ZNRF1: variants seen among roughly 807,000 people sequenced by gnomAD.
ZNRF1 encodes the protein E3 ubiquitin-protein ligase ZNRF1.
In ZNRF1, 3 loss-of-function variants were observed where a neutral mutation model predicts 18.4. That is an observed-to-expected ratio of 0.16 (90% CI 0.07 to 0.42). The LOEUF is 0.42. ZNRF1 is among the 10% of genes least tolerant of loss of function. The pLI is 0.99. For missense variants in ZNRF1, 310 were observed against 329.8 expected (o/e 0.94, Z 0.47); for synonymous variants, 157 against 144.2 (o/e 1.09, Z -0.64).
At chr16:75,011,193 T>G (rs1026228415) in intron 1 of ZNRF1, among the ~76,000 whole-genome samples, 1 of 152,198 alleles carries the variant, frequency 6.6e-6, no homozygotes, top group Admixed American at 6.5e-5. Context: ...TTAAGATTCT[T>G]TTATCCTGCT....
intron 1 of ZNRF1, among the ~76,000 whole-genome samples, chr16:75,084,195 C>A (rs1193396189): frequency 6.6e-6 from 1 of 152,188 alleles, no homozygotes; most frequent in Non-Finnish European, 1.5e-5. Context: ...AAGCAAATCA[C>A]AAACCCACCC....
intron 1 of ZNRF1, among the ~76,000 whole-genome samples, chr16:75,019,033 G>C (rs895566845): frequency 7.2e-5 from 11 of 152,088 alleles, no homozygotes; most frequent in Non-Finnish European, 2.9e-5. Context: ...GGGCGTGGTG[G>C]CGCGTGACTG....
intron 1 of ZNRF1, among the ~76,000 whole-genome samples, chr16:75,062,742 G>A (rs750401653): frequency 4.6e-5 from 7 of 152,218 alleles, no homozygotes; most frequent in Non-Finnish European, 8.8e-5. Context: ...AGAGGCGTCC[G>A]GAGGGCCTGG....
At chr16:75,066,524 A>T (rs558463652) in intron 1 of ZNRF1, among the ~76,000 whole-genome samples, 11 of 152,306 alleles carry the variant, frequency 7.2e-5, no homozygotes, top group African/African-American at 2.4e-4. Flanking sequence ...GATTTTTTTG[A>T]GACAGTTTTG....
At chr16:75,094,403 C>T (rs2036175729) in intron 2 of ZNRF1, among the ~76,000 whole-genome samples, 1 of 152,210 alleles carries the variant, frequency 6.6e-6, no homozygotes, top group Non-Finnish European at 1.5e-5. Context: ...AACAAAATGA[C>T]TGTCAACATC....
intron 1 of ZNRF1, among the ~76,000 whole-genome samples, chr16:75,029,502 C>A (rs1183971691): frequency 6.6e-6 from 1 of 152,200 alleles, no homozygotes; most frequent in East Asian, 1.9e-4. Context: ...CTCAGTGGCT[C>A]ACACTTATAA....
intron 1 of ZNRF1, among the ~76,000 whole-genome samples, chr16:75,055,287 T>C (rs1037307914): frequency 1.3e-5 from 2 of 152,236 alleles, no homozygotes; most frequent in African/African-American, 4.8e-5. Context: ...TATTTATTTA[T>C]TTTTGAGGCG....
rs779836145 is a variant in ZNRF1, at chr16:75,107,799, C to T, written c.*99C>T. ...CTGGGGCAGAGCTGAGCTTGGGACA[C>T]CAGCGGGAACAGGGCACCCCTTCTG... On this transcript the variant is annotated 3_prime_UTR_variant, in exon 5 of 5. Transcript: ENST00000335325. 2.2e-6 allele frequency: 1 copy of T among 456,466 alleles called. No homozygotes were observed. Among genetic ancestry groups the T allele is most frequent in the South Asian group, 1.5e-5 (1 of 64,556 alleles). 28.3% of individuals were successfully genotyped at this position (456,466 alleles called of 1,614,324 possible). A position where few individuals can be genotyped will look rare whatever the true frequency, so the allele number is the denominator to read the frequency against.
At chr16:75,099,949 A>G (rs980396876) in intron 2 of ZNRF1, among the ~76,000 whole-genome samples, 3 of 152,100 alleles carry the variant, frequency 2.0e-5, no homozygotes, top group African/African-American at 7.2e-5. Context: ...TGGGGACAGG[A>G]AGTTGTACTC....
At chr16:75,094,852 CA>C in intron 2 of ZNRF1, among the ~76,000 whole-genome samples, 2 of 152,298 alleles carry the variant, frequency 1.3e-5, no homozygotes, top group South Asian at 4.1e-4. Context: ...GAGTGCACTC[CA>C]ACCCTGGTAC....
chr16:75,032,693 C>A (rs1400446850), intron 1 of ZNRF1, among the ~76,000 whole-genome samples: 3 of 152,038 alleles, frequency 2.0e-5, no homozygotes, highest in Non-Finnish European at 4.4e-5. Context: ...AAATGTCTTA[C>A]AACTCAACAA....
chr16:75,107,062 T>C (rs2036325260), intron 4 of ZNRF1: 1 of 168,952 alleles, frequency 5.9e-6, no homozygotes, highest in Non-Finnish European at 1.3e-5. Context: ...TCAGCGATCA[T>C]TTGACCACTG....
rs1484303784 is a variant in ZNRF1, at chr16:75,018,718, A to G, written c.424+18623A>G. Among the ~76,000 whole-genome samples the G allele has an allele frequency of 2.6e-5, 4 of 152,190 alleles. No individual in the cohort carries two copies. The East Asian group carries it at 7.7e-4, about 29-fold the overall frequency. ...TTAATAGATTTTCTAATGTTAAATT[A>G]TCCTTATATTCTTGAAATTAATCCT... On this transcript the variant is annotated intron_variant, in intron 1 of 4. Coordinates refer to ENST00000335325, the MANE Select transcript of ZNRF1 (RefSeq NM_032268.5).
At chr16:75,097,940 G>C (rs1597909221) in intron 2 of ZNRF1, among the ~76,000 whole-genome samples, 1 of 152,240 alleles carries the variant, frequency 6.6e-6, no homozygotes, top group Non-Finnish European at 1.5e-5. Flanking sequence ...TCCTCTCAGA[G>C]ACCCTGTGGT....
chr16:75,063,000 G>A (rs1015999825), intron 1 of ZNRF1, among the ~76,000 whole-genome samples: 1 of 152,180 alleles, frequency 6.6e-6, no homozygotes, highest in African/African-American at 2.4e-5. Context: ...TCCCCTTGAG[G>A]GGACCTGTGG....
intron 1 of ZNRF1, among the ~76,000 whole-genome samples, chr16:75,015,186 A>G (rs918742077): frequency 6.6e-6 from 1 of 152,156 alleles, no homozygotes; most frequent in African/African-American, 2.4e-5. Context: ...TGGCTTATGC[A>G]TTTTATGTGT....
At chr16:75,067,166 G>A (rs2035815879) in intron 1 of ZNRF1, among the ~76,000 whole-genome samples, 1 of 152,138 alleles carries the variant, frequency 6.6e-6, no homozygotes, top group African/African-American at 2.4e-5. Flanking sequence ...TCTCCAATGT[G>A]GTGCCTTCTG....
Position 75,109,653 on chromosome 16 carries a change from C to G in ZNRF1, c.*1953C>G, listed in dbSNP as rs1228140856. The G allele has an allele frequency of 6.6e-6, 1 of 152,484 alleles. No homozygotes were observed. The highest frequency in any genetic ancestry group is 1.5e-5 in the Non-Finnish European group (1 of 68,094). 9.4% of individuals were successfully genotyped at this position (152,484 alleles called of 1,614,324 possible). On this transcript the variant is annotated 3_prime_UTR_variant, in exon 5 of 5. Coordinates refer to ENST00000335325, the MANE Select transcript of ZNRF1 (RefSeq NM_032268.5). The stretch of plus-strand genomic sequence containing the variant: ...TGAGTCGGTGGCAGGAACGTGGGCT[C>G]TAGACTGTGCATTCAGGCTCTCCTA...
chr16:75,073,146 C>CTCTCTCTCTCTCTGTCTCTCTG (rs146902791), intron 1 of ZNRF1, among the ~76,000 whole-genome samples: 2 of 128,662 alleles, frequency 1.6e-5, no homozygotes, highest in Non-Finnish European at 3.2e-5. Context: ...CTCTCTCTCT[C>CTCTCTCTCTCTCTGTCTCTCTG]TCTCTCTGTC....
Sources: gnomAD v4.1 joint callset for allele counts (sites outside exome capture counted in the v4.1 genomes callset) on GRCh38, gnomAD v4.1.1 for gene constraint, MANE v1.5 for transcripts, NCBI Gene and HGNC (gene_info 2026-07-23, HGNC 2026-07-21) for gene names.